Variants in PNPLA7 observed in about 807,000 individuals in gnomAD.
PNPLA7 encodes patatin-like phospholipase domain-containing protein 7.
PNPLA7 carries 153 observed loss-of-function variants against 161.7 expected under a neutral mutation model. The observed-to-expected ratio is 0.95, with a 90% CI of 0.83 to 1.08. The LOEUF is 1.08. PNPLA7 is among the 50% of genes least tolerant of loss of function. The pLI, the probability that PNPLA7 is intolerant of heterozygous loss-of-function variation, is 0.00. For synonymous variants in PNPLA7, 809 were observed against 782.1 expected, an observed-to-expected ratio of 1.03 and a Z score of -0.57; for missense variants, 1,739 against 1,856.6, an observed-to-expected ratio of 0.94 and a Z score of 1.16.
At chr9:137,475,546 T>C (rs1027774860) in intron 25 of PNPLA7, among the ~76,000 whole-genome samples, 3 of 152,118 alleles carry the variant, frequency 2.0e-5, no homozygotes, top group Non-Finnish European at 4.4e-5. Flanking sequence ...GGCTAATTTT[T>C]TGTATTTTTA....
rs747092044 is a variant in PNPLA7, at chr9:137,476,998, C to T, written c.2882+1036G>A. On this transcript the variant is annotated intron_variant, in intron 25 of 34. Coordinates refer to ENST00000406427, the MANE Select transcript of PNPLA7 (RefSeq NM_001098537.3). This position sits in a 1 kb window ranked among gnomAD's most constrained non-coding sequence, Gnocchi z 4.5. ...ATCCTCGAGGCCCTGGGGCCACCTC[C>T]GAGCTTTTCCCGGGGTAGCAGTGCT... Among the ~76,000 whole-genome samples the T allele has an allele frequency of 1.3e-5, 2 of 152,242 alleles. No individual in the cohort carries two copies. Among genetic ancestry groups the T allele is most frequent in the East Asian group, 1.9e-4 (1 of 5,196 alleles).
chr9:137,495,666 G>C (rs1833016044), intron 18 of PNPLA7, among the ~76,000 whole-genome samples: 3 of 152,150 alleles, frequency 2.0e-5, no homozygotes, highest in Admixed American at 6.5e-5. Flanking sequence ...GGATGGTCTC[G>C]ATCTCCTGAC....
chr9:137,479,832 G>C (rs1156283982), intron 23 of PNPLA7: 1 of 985,478 alleles, frequency 1.0e-6, no homozygotes, highest in East Asian at 1.1e-4. Flanking sequence ...CCTGGGGCCA[G>C]CGTCCCGAAG....
At position 137,550,344 on chromosome 9, in the gene PNPLA7, T is replaced by C; in HGVS notation, c.-147A>G. On this transcript the variant is annotated 5_prime_UTR_variant, in exon 1 of 35. Coordinates refer to ENST00000406427, the MANE Select transcript of PNPLA7 (RefSeq NM_001098537.3). ...TTATGTTTCACTGAAAGGAAAATCC[T>C]GCTGAAAAAGTCTGTTCTCCAGGAA... 1.1e-6 allele frequency: 1 copy of C among 888,790 alleles called. No homozygotes were observed. Among genetic ancestry groups the C allele is most frequent in the Non-Finnish European group, 1.8e-6 (1 of 550,046 alleles). The allele number at this position is 888,790 out of a possible 1,614,324, so 55.1% of individuals were successfully genotyped here.
At chr9:137,504,687 C>T (rs1160407968) in intron 14 of PNPLA7, among the ~76,000 whole-genome samples, 3 of 152,024 alleles carry the variant, frequency 2.0e-5, no homozygotes, top group Non-Finnish European at 4.4e-5. Context: ...AGAACGACAC[C>T]GTGGTGATGC....
intron 14 of PNPLA7, among the ~76,000 whole-genome samples, chr9:137,502,944 G>T (rs190980251): frequency 6.6e-6 from 1 of 151,922 alleles, no homozygotes; most frequent in Non-Finnish European, 1.5e-5. Context: ...GGGGGCACCC[G>T]AACGGTACGG....
chr9:137,539,774 A>AT (rs1836089737), intron 8 of PNPLA7, among the ~76,000 whole-genome samples: 3 of 152,002 alleles, frequency 2.0e-5, no homozygotes, highest in Non-Finnish European at 2.9e-5. Context: ...ATGATACATG[A>AT]TTTTTTGTTT....
At chr9:137,546,243 G>C (rs1276273732) in intron 4 of PNPLA7, among the ~76,000 whole-genome samples, 1 of 152,074 alleles carries the variant, frequency 6.6e-6, no homozygotes, top group Non-Finnish European at 1.5e-5. Context: ...AGGGCCTCCT[G>C]TCAAGCAGAC....
chr9:137,504,012 GGAA>G (rs199512250), intron 14 of PNPLA7, among the ~76,000 whole-genome samples: 15,698 of 95,524 alleles, frequency 0.16, 926 homozygotes, highest in East Asian at 0.27. Flanking sequence ...GAAAGAAGAA[GGAA>G]GAAGAAGAAG....
At chr9:137,460,763 A>G (rs1181111598) in intron 33 of PNPLA7, 26 bp from the exon 34 acceptor site, 2 of 1,595,910 alleles carry the variant, frequency 1.3e-6, no homozygotes, top group Non-Finnish European at 1.7e-6. Context: ...GGGCTGCGTC[A>G]GTCCCCTCCC....
intron 18 of PNPLA7, among the ~76,000 whole-genome samples, chr9:137,496,777 T>C (rs909890999): frequency 6.6e-6 from 1 of 152,176 alleles, no homozygotes; most frequent in African/African-American, 2.4e-5. Context: ...CCGTGGCACC[T>C]TGGAGCTGGG....
chr9:137,484,569 T>C lies in PNPLA7; in HGVS notation c.2347+18A>G. On this transcript the variant is annotated intron_variant, in intron 21 of 34. Coordinates refer to ENST00000406427, the MANE Select transcript of PNPLA7 (RefSeq NM_001098537.3). ...CCAGAACCCAAGGATGGCTGGAGGC[T>C]GGGAGGCTCAGGCTTACCGATGGCG... The C allele has an allele frequency of 6.4e-7, 1 of 1,574,376 alleles. No homozygotes were observed. The highest frequency in any genetic ancestry group is 8.7e-7 in the Non-Finnish European group (1 of 1,152,744).
chr9:137,470,655 C>A (rs1352529456), intron 25 of PNPLA7, among the ~76,000 whole-genome samples: 1 of 152,178 alleles, frequency 6.6e-6, no homozygotes, highest in Non-Finnish European at 1.5e-5. Flanking sequence ...AACCTTCATA[C>A]CAAACCCGGT....
At chr9:137,506,688 C>T (rs62590192) in intron 12 of PNPLA7, among the ~76,000 whole-genome samples, 45,569 of 152,060 alleles carry the variant, frequency 0.3, 7,329 homozygotes, top group East Asian at 0.46. Context: ...TCGGGCTGAG[C>T]GGGATGAAGC....
At chr9:137,528,996 G>A (rs986418905) in intron 8 of PNPLA7, among the ~76,000 whole-genome samples, 8 of 151,850 alleles carry the variant, frequency 5.3e-5, no homozygotes, top group African/African-American at 1.2e-4. Context: ...CACCGCGCCC[G>A]GCCTTTTTTA....
chr9:137,542,925 G>A (rs1393203768), intron 6 of PNPLA7, 124 bp from the exon 7 acceptor site: 3 of 980,182 alleles, frequency 3.1e-6, no homozygotes, highest in African/African-American at 1.6e-5. Flanking sequence ...GGGTCCACAC[G>A]GCTGACCAAC....
intron 12 of PNPLA7, among the ~76,000 whole-genome samples, chr9:137,510,618 G>A (rs1834172138): frequency 6.6e-6 from 1 of 152,106 alleles, no homozygotes; most frequent in Non-Finnish European, 1.5e-5. Context: ...CCAGACATTC[G>A]GGGCCACTAC....
intron 32 of PNPLA7, 52 bp downstream of exon 32, chr9:137,461,879 A>G (rs559154234): frequency 4.9e-6 from 7 of 1,443,082 alleles, no homozygotes; most frequent in Non-Finnish European, 5.6e-6. Context: ...CGTGGCCCGA[A>G]GAACTGGGCG....
Position 137,499,961 on chromosome 9 carries a change from C to A in PNPLA7, c.1757+730G>T, listed in dbSNP as rs570017137. ...ACAGAACGGCTCAAGCCACCAGAGG[C>A]GAGAGCTGGGGTTAAACTGAACCCC... On this transcript the variant is annotated intron_variant, in intron 16 of 34. Transcript: ENST00000406427. The surrounding 1 kb of genome is among the most constrained non-coding windows in gnomAD (Gnocchi z 5.5). Among the ~76,000 whole-genome samples, 3 of 152,202 alleles carry A rather than the reference C, an allele frequency of 2.0e-5. No homozygotes were observed. The South Asian group carries it at 6.2e-4, about 31-fold the overall frequency.
Sources: allele counts gnomAD v4.1 joint callset (sites outside exome capture counted in the v4.1 genomes callset), GRCh38; gene constraint gnomAD v4.1.1; non-coding constraint Gnocchi (gnomAD v3.1); transcripts MANE v1.5; gene names NCBI Gene and HGNC (gene_info 2026-07-23, HGNC 2026-07-21).